GALNT13: variants seen among roughly 807,000 people sequenced by gnomAD.
GALNT13 encodes UDP-GalNAc:polypeptide N-acetylgalactosaminyltransferase 13.
A neutral mutation model predicts 64.2 loss-of-function variants in GALNT13; 28 were observed. That is an observed-to-expected ratio of 0.44 (90% CI 0.32 to 0.60). GALNT13 has a LOEUF of 0.60. Among genes scored for constraint, GALNT13 ranks in the 20% least tolerant of loss-of-function variants. The pLI is 0.05. For synonymous variants in GALNT13, 214 were observed against 224.6 expected (o/e 0.95, Z 0.42); for missense variants, 577 against 669.8 (o/e 0.86, Z 1.53).
the GALNT13 span, among the ~76,000 whole-genome samples, chr2:153,709,472 T>C: frequency 2.0e-5 from 3 of 151,998 alleles, no homozygotes; most frequent in African/African-American, 7.2e-5. Flanking sequence ...TTAGCTATTA[T>C]TAAAAAGTCA....
chr2:153,267,313 C>T, the GALNT13 span, among the ~76,000 whole-genome samples: 1 of 152,208 alleles, frequency 6.6e-6, no homozygotes, highest in Admixed American at 6.5e-5. Flanking sequence ...CTCCACCCCA[C>T]ATTTTCTCTC....
At chr2:153,731,023 C>A in the GALNT13 span, among the ~76,000 whole-genome samples, 1 of 151,540 alleles carries the variant, frequency 6.6e-6, no homozygotes, top group Non-Finnish European at 1.5e-5. Context: ...GAAGTCAACC[C>A]AGATGTCCAT....
chr2:153,356,035 A>G, the GALNT13 span, among the ~76,000 whole-genome samples: 1 of 152,200 alleles, frequency 6.6e-6, no homozygotes, highest in Non-Finnish European at 1.5e-5. Context: ...AGTATTTCAC[A>G]GAATAAGGAT....
the GALNT13 span, among the ~76,000 whole-genome samples, chr2:153,646,733 G>T: frequency 1.3e-5 from 2 of 151,966 alleles, no homozygotes; most frequent in African/African-American, 2.4e-5. Flanking sequence ...TCGTCCTTGC[G>T]ATAGTTTGCT....
chr2:154,399,300 G>C (rs953087950), intron 10 of GALNT13, among the ~76,000 whole-genome samples: 23 of 151,842 alleles, frequency 1.5e-4, no homozygotes, highest in African/African-American at 4.4e-4. Flanking sequence ...AGTCCATTAG[G>C]GCTGCTATAC....
chr2:154,126,461 C>G (rs1489850607), intron 3 of GALNT13, among the ~76,000 whole-genome samples: 2 of 151,848 alleles, frequency 1.3e-5, no homozygotes, highest in African/African-American at 4.8e-5. Flanking sequence ...TGGTGAAACC[C>G]CGTCTCTACT....
intron 3 of GALNT13, among the ~76,000 whole-genome samples, chr2:154,011,375 A>G (rs1467434429): frequency 6.6e-6 from 1 of 152,082 alleles, no homozygotes; most frequent in Non-Finnish European, 1.5e-5. Flanking sequence ...ATTTTCATGT[A>G]ATTGTATGGT....
the GALNT13 span, among the ~76,000 whole-genome samples, chr2:153,203,319 C>T: frequency 1.3e-5 from 2 of 152,128 alleles, no homozygotes. Flanking sequence ...CATTTTTCCC[C>T]TAATTTTCTG....
intron 3 of GALNT13, among the ~76,000 whole-genome samples, chr2:153,945,610 A>G (rs913271365): frequency 3.3e-5 from 5 of 152,270 alleles, no homozygotes; most frequent in African/African-American, 1.2e-4. Context: ...TTTTAATGTT[A>G]TACATATTTT....
chr2:153,845,294 C>T, the GALNT13 span, among the ~76,000 whole-genome samples: 2 of 152,072 alleles, frequency 1.3e-5, no homozygotes, highest in Non-Finnish European at 1.5e-5. Flanking sequence ...TCAGGAAGCA[C>T]GCTGCTGATA....
chr2:153,844,178 G>A, the GALNT13 span, among the ~76,000 whole-genome samples: 1 of 152,074 alleles, frequency 6.6e-6, no homozygotes, highest in South Asian at 2.1e-4. Flanking sequence ...TCTCTGTGGG[G>A]GCTTCTCCCC....
intron 4 of GALNT13, among the ~76,000 whole-genome samples, chr2:154,240,302 G>A (rs1689414141): frequency 6.6e-6 from 1 of 152,100 alleles, no homozygotes; most frequent in South Asian, 2.1e-4. Flanking sequence ...GACTTATTTG[G>A]ATTTATAAGC....
At chr2:153,624,987 G>A in the GALNT13 span, among the ~76,000 whole-genome samples, 20 of 152,156 alleles carry the variant, frequency 1.3e-4, no homozygotes, top group African/African-American at 4.8e-4. Context: ...AAGGCACTAT[G>A]AGAAGACTGA....
In GALNT13 at chr2:154,242,059, T is replaced by C. The variant is rs746906699; in HGVS notation, c.341T>C (p.Leu114Pro). Residue 114 changes from leucine (L) to proline (P), a missense_variant, in exon 5 of 13, where the codon CTT becomes CCT. By Grantham distance (98) the Leu-to-Pro change is moderately conservative. Around this residue, in one of 3 missense-constraint regions of GALNT13, gnomAD observed 341 missense variants for 379.3 expected, o/e 0.90. Coordinates refer to ENST00000392825, the MANE Select transcript of GALNT13 (RefSeq NM_052917.4). ...GCKTKVYPDE[L>P]PNTSVVIVFH... ...AAGACAAAAGTCTACCCTGATGAAC[T>C]TCCAAACACAAGTGTAGTCATTGTG... 1 of 1,607,822 alleles carries C rather than the reference T, an allele frequency of 6.2e-7. No homozygotes were observed. Among genetic ancestry groups the C allele is most frequent in the Non-Finnish European group, 8.5e-7 (1 of 1,177,424 alleles).
chr2:153,484,224 A>T, the GALNT13 span, among the ~76,000 whole-genome samples: 1 of 152,184 alleles, frequency 6.6e-6, no homozygotes, highest in East Asian at 1.9e-4. Flanking sequence ...GAACATAGCC[A>T]TGACTATATA....
At chr2:154,137,342 A>C (rs540783640) in intron 3 of GALNT13, among the ~76,000 whole-genome samples, 3 of 151,882 alleles carry the variant, frequency 2.0e-5, no homozygotes, top group African/African-American at 7.2e-5. Context: ...AAAAATGTCA[A>C]ATATATATTC....
At chr2:154,340,172 A>G (rs529518159) in intron 9 of GALNT13, among the ~76,000 whole-genome samples, 8 of 151,832 alleles carry the variant, frequency 5.3e-5, no homozygotes, top group African/African-American at 1.9e-4. Context: ...CCAACTCTCT[A>G]ACTTGGTCAA....
the GALNT13 span, among the ~76,000 whole-genome samples, chr2:153,405,881 T>G: frequency 6.6e-5 from 10 of 152,058 alleles, no homozygotes; most frequent in South Asian, 6.2e-4. Context: ...CAGGAGCTAA[T>G]AGAATGTTAG....
At chr2:153,914,908 G>T (rs7599015) in intron 2 of GALNT13, among the ~76,000 whole-genome samples, 1,810 of 152,164 alleles carry the variant, frequency 0.012, 36 homozygotes, top group African/African-American at 0.041. Context: ...ACTCCTGGTG[G>T]GGGACAGGAG....
Sources: gnomAD v4.1 joint callset for allele counts (sites outside exome capture counted in the v4.1 genomes callset) on GRCh38, gnomAD v4.1.1 for gene constraint, gnomAD v4.1.1 regional missense constraint, MANE v1.5 for transcripts, NCBI Gene and HGNC (gene_info 2026-07-23, HGNC 2026-07-21) for gene names.